NRXN1: variants seen among roughly 807,000 people sequenced by gnomAD.
NRXN1 encodes neurexin-1.
A neutral mutation model predicts 150.9 loss-of-function variants in NRXN1; 39 were observed. The observed-to-expected ratio is 0.26, with a 90% CI of 0.20 to 0.34. NRXN1 has a LOEUF of 0.34. Ranked by LOEUF, NRXN1 falls within the 10% of genes least tolerant of loss-of-function variation. NRXN1 has a pLI of 1.00. For missense variants in NRXN1, 1,815 were observed against 1,949.9 expected (o/e 0.93, Z 1.30); for synonymous variants, 924 against 757.0 (o/e 1.22, Z -3.62).
intron 21 of NRXN1, among the ~76,000 whole-genome samples, chr2:49,990,820 A>G (rs1346156174): frequency 1.3e-5 from 2 of 152,198 alleles, no homozygotes; most frequent in East Asian, 3.9e-4. Context: ...TAATGTTGGC[A>G]CTATTAGCAA....
At chr2:51,002,327 C>T (rs888915166) in intron 2 of NRXN1, among the ~76,000 whole-genome samples, 8 of 151,926 alleles carry the variant, frequency 5.3e-5, no homozygotes, top group African/African-American at 1.7e-4. Flanking sequence ...TATGACACAA[C>T]CAGAAGCACT....
chr2:50,643,620 A>G (rs181402941), intron 5 of NRXN1, among the ~76,000 whole-genome samples: 98 of 151,984 alleles, frequency 6.4e-4, no homozygotes, highest in Non-Finnish European at 1.5e-5. Flanking sequence ...ACTTTTCCAC[A>G]TGTATAATCA....
At chr2:50,929,289 G>A (rs1314711671) in intron 2 of NRXN1, among the ~76,000 whole-genome samples, 3 of 151,900 alleles carry the variant, frequency 2.0e-5, no homozygotes, top group Non-Finnish European at 4.4e-5. Context: ...ATCATGACCA[G>A]TAAAAAATTA....
At chr2:50,876,598 G>A (rs1430500636) in intron 5 of NRXN1, among the ~76,000 whole-genome samples, 1 of 151,716 alleles carries the variant, frequency 6.6e-6, no homozygotes, top group African/African-American at 2.4e-5. Flanking sequence ...ATTTGCTCAT[G>A]AGTTCTCCAT....
At chr2:50,320,689 C>T (rs1469511831) in intron 17 of NRXN1, among the ~76,000 whole-genome samples, 1 of 151,814 alleles carries the variant, frequency 6.6e-6, no homozygotes, top group Non-Finnish European at 1.5e-5. Context: ...CATTGGAAAT[C>T]GAATATGAAA....
At chr2:50,166,177 G>A (rs1244592598) in intron 18 of NRXN1, among the ~76,000 whole-genome samples, 2 of 152,008 alleles carry the variant, frequency 1.3e-5, no homozygotes, top group Non-Finnish European at 2.9e-5. Flanking sequence ...GATTTGGGAT[G>A]CTCAACTTGG....
chr2:50,092,594 T>C (rs191788303), intron 18 of NRXN1, among the ~76,000 whole-genome samples: 3 of 152,316 alleles, frequency 2.0e-5, no homozygotes, highest in African/African-American at 7.2e-5. Flanking sequence ...ACCTGAAGAT[T>C]TGGGCCACAT....
chr2:50,914,927 G>A (rs1447800464), intron 5 of NRXN1, among the ~76,000 whole-genome samples: 1 of 151,524 alleles, frequency 6.6e-6, no homozygotes, highest in Non-Finnish European at 1.5e-5. Context: ...TCAGGGCAGG[G>A]TAGAGATTTC....
chr2:50,181,563 C>T (rs547635914), intron 18 of NRXN1, among the ~76,000 whole-genome samples: 1 of 152,180 alleles, frequency 6.6e-6, no homozygotes, highest in African/African-American at 2.4e-5. Context: ...AATTCATTGC[C>T]TTGCCTTTCC....
At chr2:50,897,936 A>G (rs1239188334) in intron 5 of NRXN1, among the ~76,000 whole-genome samples, 2 of 151,604 alleles carry the variant, frequency 1.3e-5, no homozygotes, top group African/African-American at 4.9e-5. Context: ...AAAACAAAAC[A>G]TAATAGTCAT....
chr2:49,992,370 T>C (rs1682122469), intron 21 of NRXN1, among the ~76,000 whole-genome samples: 1 of 147,542 alleles, frequency 6.8e-6, no homozygotes, highest in Non-Finnish European at 1.5e-5. Context: ...AAACTCCGTC[T>C]CTACTAAAAT....
chr2:50,694,442 A>T (rs1574128935), intron 5 of NRXN1, among the ~76,000 whole-genome samples: 1 of 152,320 alleles, frequency 6.6e-6, no homozygotes, highest in South Asian at 2.1e-4. Context: ...AAAACATTTG[A>T]TGTAAATAAT....
At chr2:50,237,940 T>C (rs950111040) in intron 17 of NRXN1, among the ~76,000 whole-genome samples, 1 of 151,984 alleles carries the variant, frequency 6.6e-6, no homozygotes, top group African/African-American at 2.4e-5. Context: ...CTGATGGTTT[T>C]ATAAGTGTTT....
chr2:50,643,335 A>ATGAGT (rs1684336173), intron 5 of NRXN1, among the ~76,000 whole-genome samples: 1 of 151,966 alleles, frequency 6.6e-6, no homozygotes, highest in African/African-American at 2.4e-5. Flanking sequence ...TCAGAGGTTA[A>ATGAGT]TGAGTTGACA....
At position 51,023,952 on chromosome 2, in the gene NRXN1, CA is replaced by C. The variant is rs1003581535; in HGVS notation, c.772+3549del. Reference sequence around the variant, plus strand: ...TATGGCCATTTAAATAGAGAACATGCAAAAAAAAGTGAAAACAGTCCAATGT... The same window carrying C: ...TATGGCCATTTAAATAGAGAACATGCAAAAAAAGTGAAAACAGTCCAATGT... On this transcript the variant is annotated intron_variant, in intron 2 of 22. Coordinates refer to ENST00000401669, the MANE Select transcript of NRXN1 (RefSeq NM_001330078.2). Among the ~76,000 whole-genome samples the C allele has an allele frequency of 2.2e-4, 33 of 151,454 alleles. 1 individual carries two copies. The highest frequency in any genetic ancestry group is 7.7e-4 in the African/African-American group (32 of 41,334).
intron 21 of NRXN1, among the ~76,000 whole-genome samples, chr2:50,013,964 G>A (rs779388925): frequency 2.0e-5 from 3 of 152,092 alleles, no homozygotes. Flanking sequence ...GTTATTTGGA[G>A]ATAAGCCTTG....
chr2:50,732,988 C>A (rs1698285447), intron 5 of NRXN1, among the ~76,000 whole-genome samples: 1 of 152,286 alleles, frequency 6.6e-6, no homozygotes, highest in Non-Finnish European at 1.5e-5. Flanking sequence ...GTGGCCAATA[C>A]TTTCAAACCA....
chr2:50,935,963 A>G (rs1030718310), intron 2 of NRXN1, among the ~76,000 whole-genome samples: 1 of 152,154 alleles, frequency 6.6e-6, no homozygotes, highest in Non-Finnish European at 1.5e-5. Flanking sequence ...AATATCTTTA[A>G]TGATTATAGA....
At chr2:50,676,634 T>G (rs2104765821) in intron 5 of NRXN1, among the ~76,000 whole-genome samples, 1 of 152,278 alleles carries the variant, frequency 6.6e-6, no homozygotes, top group Non-Finnish European at 1.5e-5. Context: ...TGCTAACCAT[T>G]CAGTAAATGT....
Sources: gnomAD v4.1 joint callset for allele counts (sites outside exome capture counted in the v4.1 genomes callset) on GRCh38, gnomAD v4.1.1 for gene constraint, MANE v1.5 for transcripts, NCBI Gene and HGNC (gene_info 2026-07-23, HGNC 2026-07-21) for gene names.